CACNB2: variants seen among roughly 807,000 people sequenced by gnomAD.
CACNB2 encodes voltage-dependent L-type calcium channel subunit beta-2.
In CACNB2, 42 loss-of-function variants were observed where a neutral mutation model predicts 73.3. The observed-to-expected ratio is 0.57, with a 90% confidence interval of 0.45 to 0.74. CACNB2 has a LOEUF of 0.74. CACNB2 is among the 30% of genes least tolerant of loss of function. The pLI, the probability that CACNB2 is intolerant of heterozygous loss-of-function variation, is 0.00. For missense variants in CACNB2, 940 were observed against 853.0 expected, an observed-to-expected ratio of 1.10 and a Z score of -1.27; for synonymous variants, 348 against 310.3, an observed-to-expected ratio of 1.12 and a Z score of -1.28.
chr10:18,262,803 A>T (rs1197898210), intron 2 of CACNB2, among the ~76,000 whole-genome samples: 1 of 152,202 alleles, frequency 6.6e-6, no homozygotes, highest in Admixed American at 6.5e-5. Context: ...AAAAATTCTG[A>T]AATAAGGCCT....
intron 3 of CACNB2, among the ~76,000 whole-genome samples, chr10:18,427,013 T>C (rs150446556): frequency 0.25 from 33,372 of 135,252 alleles, 4,367 homozygotes; most frequent in Middle Eastern, 0.42. Context: ...GGGAGTGCAG[T>C]GGTGCGATCT....
intron 7 of CACNB2, chr10:18,515,105 G>C (rs992427694): frequency 7.7e-7 from 1 of 1,306,068 alleles, no homozygotes; most frequent in Non-Finnish European, 1.1e-6. Context: ...CCATCAGTCA[G>C]ATTTTACCAT....
At chr10:18,179,041 A>C (rs1278076239) in intron 2 of CACNB2, among the ~76,000 whole-genome samples, 1 of 152,218 alleles carries the variant, frequency 6.6e-6, no homozygotes, top group East Asian at 1.9e-4. Flanking sequence ...AGATATTCAC[A>C]TAAACAAATT....
intron 13 of CACNB2, 46 bp from the exon 14 acceptor site, chr10:18,539,184 A>C: frequency 6.2e-7 from 1 of 1,612,924 alleles, no homozygotes; most frequent in Non-Finnish European, 8.5e-7. Flanking sequence ...CATGTTCTTT[A>C]CACACTGACC....
At chr10:18,229,853 T>C (rs1200854700) in intron 2 of CACNB2, among the ~76,000 whole-genome samples, 1 of 152,206 alleles carries the variant, frequency 6.6e-6, no homozygotes, top group Admixed American at 6.5e-5. Context: ...TAAGATGTAC[T>C]ACGGTAAAAT....
At chr10:18,256,848 G>A (rs2037307297) in intron 2 of CACNB2, 1 of 149,866 alleles carries the variant, frequency 6.7e-6, no homozygotes, top group South Asian at 2.1e-4. Flanking sequence ...GGGAGGCTGA[G>A]GTGGGAGGAT....
At chr10:18,170,492 G>C (rs1367510910) in intron 2 of CACNB2, among the ~76,000 whole-genome samples, 1 of 152,156 alleles carries the variant, frequency 6.6e-6, no homozygotes, top group East Asian at 1.9e-4. Flanking sequence ...ATATCTTCCT[G>C]GGAATATACG....
In CACNB2 at chr10:18,543,067, C is replaced by G. The variant is rs770063919; in HGVS notation, c.*3343C>G. On this transcript the variant is annotated 3_prime_UTR_variant, in exon 14 of 14. Coordinates refer to ENST00000324631, the MANE Select transcript of CACNB2 (RefSeq NM_201596.3). Reference sequence around the variant, plus strand: ...TGCATTCCTGTTAAACATTCACTGTCAGCTACACTGAACTGTCTAACAAAC... The same window carrying G: ...TGCATTCCTGTTAAACATTCACTGTGAGCTACACTGAACTGTCTAACAAAC... 36 of 152,032 alleles carry G rather than the reference C, an allele frequency of 2.4e-4. 1 individual carries two copies. Among genetic ancestry groups the G allele is most frequent in the Admixed American group, 1.6e-3 (24 of 15,256 alleles). 9.4% of individuals were successfully genotyped at this position (152,032 alleles called of 1,614,324 possible). A position where few individuals can be genotyped will look rare whatever the true frequency, so the allele number is the denominator to read the frequency against.
At chr10:18,487,908 C>G (rs1015188132) in intron 3 of CACNB2, among the ~76,000 whole-genome samples, 33 of 151,560 alleles carry the variant, frequency 2.2e-4, no homozygotes, top group Middle Eastern at 3.2e-3. Flanking sequence ...CACCAAGGAC[C>G]CTGCACAGGA....
chr10:18,403,887 T>C (rs1271670034), intron 3 of CACNB2, among the ~76,000 whole-genome samples: 4 of 147,800 alleles, frequency 2.7e-5, no homozygotes, highest in Admixed American at 6.8e-5. Flanking sequence ...AAAAAAAAAA[T>C]AGAAAGAATG....
At chr10:18,195,564 G>T (rs1181914188) in intron 2 of CACNB2, among the ~76,000 whole-genome samples, 2 of 152,220 alleles carry the variant, frequency 1.3e-5, no homozygotes, top group African/African-American at 4.8e-5. Context: ...AGAGAGCGTG[G>T]ATTATGAGCT....
intron 2 of CACNB2, among the ~76,000 whole-genome samples, chr10:18,252,798 A>G (rs111234103): frequency 0.014 from 2,121 of 152,344 alleles, 27 homozygotes; most frequent in Admixed American, 0.019. Context: ...AGGAAAAAGT[A>G]TAAGGTGGGA....
At chr10:18,231,734 A>C (rs2036233455) in intron 2 of CACNB2, among the ~76,000 whole-genome samples, 1 of 152,148 alleles carries the variant, frequency 6.6e-6, no homozygotes, top group Non-Finnish European at 1.5e-5. Context: ...CTGAAGACTT[A>C]AGTTCTAAAT....
At chr10:18,175,998 T>C (rs2033567993) in intron 2 of CACNB2, among the ~76,000 whole-genome samples, 1 of 152,208 alleles carries the variant, frequency 6.6e-6, no homozygotes, top group African/African-American at 2.4e-5. Flanking sequence ...CTGAGAGCAG[T>C]GAGTACTTGT....
chr10:18,370,608 C>T (rs1239692822), intron 2 of CACNB2, among the ~76,000 whole-genome samples: 1 of 152,192 alleles, frequency 6.6e-6, no homozygotes, highest in Admixed American at 6.5e-5. Flanking sequence ...CCAGAACCCA[C>T]ATCTTAACAA....
chr10:18,404,952 A>G (rs1057111174), intron 3 of CACNB2, among the ~76,000 whole-genome samples: 2 of 152,168 alleles, frequency 1.3e-5, no homozygotes, highest in African/African-American at 4.8e-5. Context: ...ATTGTTTTTT[A>G]ACGTGGTGTT....
intron 2 of CACNB2, among the ~76,000 whole-genome samples, chr10:18,301,068 G>A (rs2039491675): frequency 6.6e-6 from 1 of 152,188 alleles, no homozygotes; most frequent in Non-Finnish European, 1.5e-5. Context: ...AAGGTAGAGA[G>A]AAAACCACCA....
chr10:18,382,578 C>T (rs1381896189), intron 2 of CACNB2, among the ~76,000 whole-genome samples: 1 of 152,074 alleles, frequency 6.6e-6, no homozygotes, highest in Non-Finnish European at 1.5e-5. Context: ...TGCGTTGTTC[C>T]CCTCCCTGTG....
At chr10:18,517,172 T>G (rs1564641570) in intron 7 of CACNB2, among the ~76,000 whole-genome samples, 2 of 152,196 alleles carry the variant, frequency 1.3e-5, no homozygotes, top group Non-Finnish European at 2.9e-5. Flanking sequence ...CAGAACATTT[T>G]TCTGTTGGTG....
Sources: allele counts gnomAD v4.1 joint callset (sites outside exome capture counted in the v4.1 genomes callset), GRCh38; gene constraint gnomAD v4.1.1; transcripts MANE v1.5; gene names NCBI Gene and HGNC (gene_info 2026-07-23, HGNC 2026-07-21).